The following ZC3H12B variants were observed in gnomAD, a reference collection of about 807,000 sequenced individuals.
The protein encoded by ZC3H12B is probable ribonuclease ZC3H12B.
ZC3H12B carries 7 observed loss-of-function variants against 43.9 expected under a neutral mutation model. The ratio of observed to expected loss-of-function variants is 0.16; its 90% confidence interval spans 0.09 to 0.30. The LOEUF (loss-of-function observed/expected upper bound fraction) is 0.30. Among genes scored for constraint, ZC3H12B ranks in the 10% least tolerant of loss-of-function variants. ZC3H12B has a pLI of 1.00. For synonymous variants in ZC3H12B, 222 were observed against 241.7 expected, an observed-to-expected ratio of 0.92 and a Z score of 0.76; for missense variants, 475 against 670.2, an observed-to-expected ratio of 0.71 and a Z score of 3.22.
chrX:65,068,620 G>A, the ZC3H12B span, among the ~76,000 whole-genome samples: 27 of 111,570 alleles, frequency 2.4e-4, no homozygotes, highest in African/African-American at 8.5e-4. Flanking sequence ...TTTGTTCATC[G>A]TTCATTCTTT....
At chrX:65,082,318 C>G in the ZC3H12B span, among the ~76,000 whole-genome samples, 1 of 110,648 alleles carries the variant, frequency 9.0e-6, no homozygotes, top group Non-Finnish European at 1.9e-5. Flanking sequence ...ATACAAATGA[C>G]CTAAGAAACA....
the ZC3H12B span, among the ~76,000 whole-genome samples, chrX:65,082,105 A>G: frequency 8.9e-6 from 1 of 111,841 alleles, no homozygotes; most frequent in Admixed American, 9.4e-5. Context: ...ACCAAAACCT[A>G]TGTGATACAG....
the ZC3H12B span, among the ~76,000 whole-genome samples, chrX:65,336,859 T>A: frequency 1.8e-5 from 2 of 112,349 alleles, no homozygotes; most frequent in African/African-American, 6.5e-5. Context: ...CATGACCCTG[T>A]ACATGCCAAA....
chrX:65,041,058 G>A, the ZC3H12B span, among the ~76,000 whole-genome samples: 1 of 112,634 alleles, frequency 8.9e-6, no homozygotes, highest in Non-Finnish European at 1.9e-5. Context: ...GATTACAGGC[G>A]TGAGCCATCG....
the ZC3H12B span, among the ~76,000 whole-genome samples, chrX:65,222,647 T>TAAC: frequency 1.1e-5 from 1 of 91,339 alleles, no homozygotes; most frequent in African/African-American, 4.5e-5. Flanking sequence ...ATAATAATAA[T>TAAC]AATAAAACAC....
chrX:65,103,754 T>C, the ZC3H12B span, among the ~76,000 whole-genome samples: 1 of 111,203 alleles, frequency 9.0e-6, no homozygotes, highest in Non-Finnish European at 1.9e-5. Context: ...CCCGCAACAC[T>C]CAACGAAATA....
At chrX:65,145,059 C>T in the ZC3H12B span, among the ~76,000 whole-genome samples, 1 of 111,395 alleles carries the variant, frequency 9.0e-6, no homozygotes, top group Non-Finnish European at 1.9e-5. Context: ...CTAGTGCTGT[C>T]AGTGGAGTAT....
intron 1 of ZC3H12B, among the ~76,000 whole-genome samples, chrX:65,490,927 G>A (rs2068194372): frequency 9.0e-6 from 1 of 111,034 alleles, no homozygotes; most frequent in African/African-American, 3.3e-5. Context: ...AGAGACATGA[G>A]AGAGTGGGGA....
At chrX:65,389,602 G>A (rs540650293) in intron 2 of ZC3H12B, among the ~76,000 whole-genome samples, 31 of 112,578 alleles carry the variant, frequency 2.8e-4, no homozygotes, top group African/African-American at 4.5e-4. Flanking sequence ...GCGATGCCTC[G>A]CCCTTCCGCT....
the ZC3H12B span, among the ~76,000 whole-genome samples, chrX:65,321,133 C>T: frequency 3.6e-5 from 4 of 111,186 alleles, no homozygotes; most frequent in African/African-American, 1.3e-4. Context: ...AAAATTTTTG[C>T]ATGTTATGCA....
chrX:65,076,773 C>T, the ZC3H12B span, among the ~76,000 whole-genome samples: 1 of 109,410 alleles, frequency 9.1e-6, no homozygotes, highest in South Asian at 3.9e-4. Flanking sequence ...TAAATAATTC[C>T]TATATCTTTG....
intron 2 of ZC3H12B, among the ~76,000 whole-genome samples, chrX:65,394,906 A>C (rs929454778): frequency 2.7e-5 from 3 of 111,616 alleles, no homozygotes; most frequent in Admixed American, 9.5e-5. Context: ...TTCTCCTTGA[A>C]GAGGTCCTTC....
At chrX:65,175,483 G>A in the ZC3H12B span, among the ~76,000 whole-genome samples, 1 of 111,823 alleles carries the variant, frequency 8.9e-6, no homozygotes, top group Non-Finnish European at 1.9e-5. Context: ...AAAATATAAA[G>A]ATTGAAATGT....
At chrX:65,252,665 A>C in the ZC3H12B span, among the ~76,000 whole-genome samples, 5 of 111,784 alleles carry the variant, frequency 4.5e-5, no homozygotes, top group African/African-American at 1.6e-4. Context: ...GCCTCTCAAT[A>C]TAATACCAGT....
At chrX:65,248,554 C>T in the ZC3H12B span, among the ~76,000 whole-genome samples, 1 of 111,821 alleles carries the variant, frequency 8.9e-6, no homozygotes, top group African/African-American at 3.3e-5. Flanking sequence ...AGGGACACAG[C>T]AGTGAGTATA....
the ZC3H12B span, among the ~76,000 whole-genome samples, chrX:65,207,324 G>C: frequency 3.8e-3 from 411 of 108,753 alleles, 3 homozygotes; most frequent in African/African-American, 0.013. Context: ...TAAAATAATG[G>C]CATTTGAAGC....
chrX:65,115,220 G>T, the ZC3H12B span, among the ~76,000 whole-genome samples: 1 of 106,679 alleles, frequency 9.4e-6, no homozygotes, highest in Non-Finnish European at 1.9e-5. Flanking sequence ...CCTTTTACCC[G>T]AGTCCCCAAA....
At chrX:65,387,841 G>T (rs1330488892) in intron 2 of ZC3H12B, among the ~76,000 whole-genome samples, 1 of 112,377 alleles carries the variant, frequency 8.9e-6, no homozygotes, top group Admixed American at 9.4e-5. Flanking sequence ...GCCTGGTGGT[G>T]ACAAAATCTC....
chrX:65,066,089 G>A, the ZC3H12B span, among the ~76,000 whole-genome samples: 1 of 109,206 alleles, frequency 9.2e-6, no homozygotes, highest in Non-Finnish European at 1.9e-5. Context: ...GTTGAAACAT[G>A]CTCCTCGCCT....
Sources: gnomAD v4.1 joint callset for allele counts (sites outside exome capture counted in the v4.1 genomes callset) on GRCh38, gnomAD v4.1.1 for gene constraint, MANE v1.5 for transcripts, NCBI Gene and HGNC (gene_info 2026-07-23, HGNC 2026-07-21) for gene names.